The following MCPH1 variants were observed in gnomAD, a reference collection of about 807,000 sequenced individuals.
MCPH1 encodes the protein microcephalin.
In MCPH1, 104 loss-of-function variants were observed where a neutral mutation model predicts 84.5. That is an observed-to-expected ratio of 1.23 (90% CI 1.05 to 1.45). The LOEUF is 1.45. MCPH1 is among the 40% of genes most tolerant of loss of function. MCPH1 has a pLI of 0.00. For missense variants in MCPH1, 1,498 were observed against 1,005.7 expected (o/e 1.49, Z -6.62); for synonymous variants, 514 against 366.8 (o/e 1.40, Z -4.58).
At chr8:6,505,345 T>C (rs1813259812) in intron 12 of MCPH1, among the ~76,000 whole-genome samples, 1 of 46,552 alleles carries the variant, frequency 2.1e-5, no homozygotes, top group Non-Finnish European at 4.6e-5. Context: ...AAAGAATATA[T>C]ATATTCTTTC....
At chr8:6,569,809 A>C (rs762631042) in intron 12 of MCPH1, among the ~76,000 whole-genome samples, 1 of 152,246 alleles carries the variant, frequency 6.6e-6, no homozygotes, top group South Asian at 2.1e-4. Flanking sequence ...ACCTCTGTGC[A>C]GCACAAACAC....
At chr8:6,490,613 T>A (rs1228240045) in intron 11 of MCPH1, among the ~76,000 whole-genome samples, 1 of 152,204 alleles carries the variant, frequency 6.6e-6, no homozygotes, top group Non-Finnish European at 1.5e-5. Context: ...TTGACGACAT[T>A]GTACATTTTG....
rs200277196 is a variant in MCPH1, at chr8:6,480,901, A to G, written c.2136+25A>G. 4.7e-4 allele frequency: 755 copies of G among 1,612,180 alleles called. 9 individuals carry two copies. The South Asian group carries it at 7.4e-3, about 16-fold the overall frequency. ...GGTAAGCCCTGTGTGTGAACTGCGTATTTTAAAACAAGGCATTTTGATAGA... is the reference window on the plus strand; with the variant it reads ...GGTAAGCCCTGTGTGTGAACTGCGTGTTTTAAAACAAGGCATTTTGATAGA... On this transcript the variant is annotated intron_variant, in intron 11 of 13. Transcript: ENST00000344683.
intron 12 of MCPH1, chr8:6,513,574 CTG>C: frequency 1.3e-6 from 1 of 790,096 alleles, no homozygotes; most frequent in Non-Finnish European, 1.9e-6. Context: ...ACCTCGTGAT[CTG>C]CCCACCTCGG....
intron 12 of MCPH1, among the ~76,000 whole-genome samples, chr8:6,554,348 A>C (rs1430220641): frequency 1.3e-5 from 2 of 151,970 alleles, no homozygotes; most frequent in East Asian, 1.9e-4. Flanking sequence ...GCTTCCTTTT[A>C]AGACTTTGTT....
chr8:6,422,383 G>T (rs892400374), intron 3 of MCPH1, among the ~76,000 whole-genome samples: 2 of 152,296 alleles, frequency 1.3e-5, no homozygotes, highest in Non-Finnish European at 2.9e-5. Context: ...ATGTGGAGGG[G>T]AGAGTGCAGA....
intron 8 of MCPH1, 57 bp downstream of exon 8, chr8:6,445,604 C>T: frequency 6.6e-7 from 1 of 1,518,864 alleles, no homozygotes. Context: ...AACAGTGCAT[C>T]CATATTTTAA....
chr8:6,561,046 G>A (rs775670039), intron 12 of MCPH1, among the ~76,000 whole-genome samples: 10 of 152,180 alleles, frequency 6.6e-5, no homozygotes, highest in East Asian at 3.9e-4. Context: ...TCAGCTTGAC[G>A]GTTTACAAAG....
chr8:6,435,815 C>G (rs1037256494), intron 4 of MCPH1, among the ~76,000 whole-genome samples: 7 of 152,148 alleles, frequency 4.6e-5, no homozygotes, highest in Admixed American at 2.0e-4. Flanking sequence ...ATGAAAATGT[C>G]TCACAAAGCA....
chr8:6,538,247 A>G lies in MCPH1; in HGVS notation c.2214+38318A>G, dbSNP rs150789374. Reference sequence around the variant, plus strand: ...TTTACTGTTGCCCACTTCTATTTAGAAATAAGATATTGCAACCATCTGTCT... The same window carrying G: ...TTTACTGTTGCCCACTTCTATTTAGGAATAAGATATTGCAACCATCTGTCT... On this transcript the variant is annotated intron_variant, in intron 12 of 13. Coordinates refer to ENST00000344683, the MANE Select transcript of MCPH1 (RefSeq NM_024596.5). Among the ~76,000 whole-genome samples the G allele has an allele frequency of 5.1e-4, 78 of 152,284 alleles. 1 individual carries two copies. In the East Asian group the frequency reaches 0.012, roughly 24 times the overall value.
At chr8:6,455,788 A>G (rs149593986) in intron 9 of MCPH1, among the ~76,000 whole-genome samples, 108 of 152,364 alleles carry the variant, frequency 7.1e-4, no homozygotes, top group Non-Finnish European at 1.2e-3. Flanking sequence ...TTATCATTCA[A>G]TATCTACTTG....
At chr8:6,605,129 C>T (rs889762021) in intron 12 of MCPH1, among the ~76,000 whole-genome samples, 4 of 152,086 alleles carry the variant, frequency 2.6e-5, no homozygotes, top group Admixed American at 2.0e-4. Context: ...CTTGGGGACC[C>T]AGAAAGAGGC....
intron 9 of MCPH1, among the ~76,000 whole-genome samples, chr8:6,467,656 C>A (rs567631587): frequency 6.6e-6 from 1 of 152,020 alleles, no homozygotes; most frequent in South Asian, 2.1e-4. Context: ...AGTGCCGTGG[C>A]GAGATCATAG....
chr8:6,566,107 G>A lies in MCPH1; in HGVS notation c.2215-55347G>A, dbSNP rs117383704. Among the ~76,000 whole-genome samples the A allele has an allele frequency of 2.3e-4, 35 of 152,320 alleles. No homozygotes were observed. In the East Asian group the frequency reaches 6.4e-3, roughly 28 times the overall value. On this transcript the variant is annotated intron_variant, in intron 12 of 13. Coordinates refer to ENST00000344683, the MANE Select transcript of MCPH1 (RefSeq NM_024596.5). ...ACAGCATTAACTGAGTGAGCGTGCT[G>A]GGCTCCAATAAAGCTTTATTCGTGA...
At chr8:6,474,096 A>G (rs1290058894) in intron 9 of MCPH1, 4 of 773,762 alleles carry the variant, frequency 5.2e-6, no homozygotes, top group Non-Finnish European at 9.6e-6. Flanking sequence ...ACTATGTGAA[A>G]CCAGCGTTCA....
At chr8:6,513,937 A>T in intron 12 of MCPH1, 1 of 1,201,618 alleles carries the variant, frequency 8.3e-7, no homozygotes, top group South Asian at 1.7e-5. Flanking sequence ...TAGAATAACT[A>T]TCAAATAGCA....
intron 12 of MCPH1, among the ~76,000 whole-genome samples, chr8:6,540,947 A>G (rs1367704083): frequency 6.6e-6 from 1 of 152,250 alleles, no homozygotes; most frequent in East Asian, 1.9e-4. Flanking sequence ...ACCTGGGGCA[A>G]GAATGGGGAC....
intron 10 of MCPH1, among the ~76,000 whole-genome samples, chr8:6,478,345 G>A (rs1808747517): frequency 6.6e-6 from 1 of 151,996 alleles, no homozygotes; most frequent in Non-Finnish European, 1.5e-5. Flanking sequence ...GAAAAAGGGG[G>A]TCACTCAAAA....
At chr8:6,413,068 G>A (rs1225548931) in intron 2 of MCPH1, among the ~76,000 whole-genome samples, 1 of 152,160 alleles carries the variant, frequency 6.6e-6, no homozygotes, top group Non-Finnish European at 1.5e-5. Flanking sequence ...ATGCAGATGA[G>A]TTCTGCTTCT....
Sources: allele counts gnomAD v4.1 joint callset (sites outside exome capture counted in the v4.1 genomes callset), GRCh38; gene constraint gnomAD v4.1.1; transcripts MANE v1.5; gene names NCBI Gene and HGNC (gene_info 2026-07-23, HGNC 2026-07-21).